EYA4: variants seen among roughly 807,000 people sequenced by gnomAD.
EYA4 encodes the protein protein phosphatase EYA4.
EYA4 carries 31 observed loss-of-function variants against 87.9 expected under a neutral mutation model. The observed-to-expected ratio is 0.35, with a 90% confidence interval of 0.27 to 0.48. EYA4 has a LOEUF of 0.48. EYA4 is among the 20% of genes least tolerant of loss of function. The pLI, the probability that EYA4 is intolerant of heterozygous loss-of-function variation, is 0.99. For synonymous variants in EYA4, 263 were observed against 270.6 expected, an observed-to-expected ratio of 0.97 and a Z score of 0.28; for missense variants, 678 against 761.4, an observed-to-expected ratio of 0.89 and a Z score of 1.29.
intron 1 of EYA4, among the ~76,000 whole-genome samples, chr6:133,246,552 A>G (rs563295583): frequency 6.6e-6 from 1 of 152,216 alleles, no homozygotes; most frequent in Admixed American, 6.5e-5. Flanking sequence ...CGTTAAACCA[A>G]TGTGGAATAG....
At chr6:133,358,779 C>G (rs72996001) in intron 2 of EYA4, among the ~76,000 whole-genome samples, 4,660 of 152,208 alleles carry the variant, frequency 0.031, 173 homozygotes, top group East Asian at 0.2. Context: ...GGAAGACACG[C>G]ACTCAAGAGG....
intron 11 of EYA4, among the ~76,000 whole-genome samples, chr6:133,475,668 T>C (rs1795658056): frequency 6.6e-6 from 1 of 152,084 alleles, no homozygotes; most frequent in African/African-American, 2.4e-5. Context: ...CCAATTTACA[T>C]TTTCCCTACC....
chr6:133,510,627 C>T, intron 14 of EYA4: 1 of 239,982 alleles, frequency 4.2e-6, no homozygotes, highest in Non-Finnish European at 8.3e-6. Flanking sequence ...ACAGTTTGGA[C>T]TGCACTCCTT....
At chr6:133,353,066 TCTTTA>T (rs1371303880) in intron 2 of EYA4, among the ~76,000 whole-genome samples, 2 of 152,150 alleles carry the variant, frequency 1.3e-5, no homozygotes, top group Non-Finnish European at 2.9e-5. Context: ...GGTAGTAATT[TCTTTA>T]CTTTGGAATA....
At chr6:133,431,995 G>A (rs1223655302) in intron 3 of EYA4, among the ~76,000 whole-genome samples, 1 of 149,942 alleles carries the variant, frequency 6.7e-6, no homozygotes, top group African/African-American at 2.5e-5. Flanking sequence ...GGCAGACCAT[G>A]GTGCATTATT....
chr6:133,503,737 A>G (rs971618241), intron 13 of EYA4, among the ~76,000 whole-genome samples: 1 of 152,168 alleles, frequency 6.6e-6, no homozygotes, highest in African/African-American at 2.4e-5. Flanking sequence ...GACTAATTAT[A>G]GGAATTTTTC....
At chr6:133,395,525 C>A (rs1787708775) in intron 3 of EYA4, among the ~76,000 whole-genome samples, 1 of 152,092 alleles carries the variant, frequency 6.6e-6, no homozygotes, top group Admixed American at 6.6e-5. Context: ...TTTGGGAGGC[C>A]AAGGCAGGCA....
rs745611778 is a variant in EYA4 at position 133,513,022 on chromosome 6, C to T, written c.1485C>T (p.Tyr495=). ...YRRVKELYNT[Y]KNNVGGLLGP... Reference sequence around the variant, plus strand: ...GAGTAAAAGAATTATATAACACCTACAAGAACAACGTTGGAGGTATGTGTG... The same window carrying T: ...GAGTAAAAGAATTATATAACACCTATAAGAACAACGTTGGAGGTATGTGTG... Residue 495 remains tyrosine, a synonymous_variant, in exon 16 of 20, where the codon TAC becomes TAT. Transcript: ENST00000355286. 2.5e-6 allele frequency: 4 copies of T among 1,613,984 alleles called. No individual in the cohort carries two copies. The highest frequency in any genetic ancestry group is 1.7e-5 in the Admixed American group (1 of 60,014).
At position 133,382,485 on chromosome 6, in the gene EYA4, GT is replaced by G. The variant is rs757631637; in HGVS notation, c.83+47del. Reference sequence around the variant, plus strand: ...CAAGACTCCCCTAAGGAGAATTGCAGTTTCGGAGCACTAGTAAGATGTTATA... The same window carrying G: ...CAAGACTCCCCTAAGGAGAATTGCAGTTCGGAGCACTAGTAAGATGTTATA... On this transcript the variant is annotated intron_variant, in intron 3 of 19. Coordinates refer to ENST00000355286, the MANE Select transcript of EYA4 (RefSeq NM_004100.5). The G allele has an allele frequency of 4.6e-6, 6 of 1,308,326 alleles. No homozygotes were observed. The African/African-American group carries it at 7.2e-5, about 16-fold the overall frequency. 81.0% of individuals were successfully genotyped at this position (1,308,326 alleles called of 1,614,324 possible). A position where few individuals can be genotyped will look rare whatever the true frequency, so the allele number is the denominator to read the frequency against.
chr6:133,304,699 A>G (rs936748084), intron 2 of EYA4, among the ~76,000 whole-genome samples: 2 of 152,182 alleles, frequency 1.3e-5, no homozygotes, highest in Admixed American at 1.3e-4. Flanking sequence ...CATTTTCTGA[A>G]TGTCAGACAC....
At chr6:133,359,693 T>A (rs1202466605) in intron 2 of EYA4, among the ~76,000 whole-genome samples, 1 of 152,174 alleles carries the variant, frequency 6.6e-6, no homozygotes, top group Non-Finnish European at 1.5e-5. Context: ...TTGAAAATAT[T>A]TGCCAAAAAA....
At chr6:133,381,535 A>G (rs536679792) in intron 2 of EYA4, among the ~76,000 whole-genome samples, 2 of 151,700 alleles carry the variant, frequency 1.3e-5, no homozygotes, top group South Asian at 4.2e-4. Context: ...TGGAAGTAAA[A>G]CTCCTTGGAT....
At chr6:133,257,519 A>G (rs1156781185) in intron 1 of EYA4, among the ~76,000 whole-genome samples, 1 of 152,200 alleles carries the variant, frequency 6.6e-6, no homozygotes, top group Non-Finnish European at 1.5e-5. Context: ...TCGACCAGTT[A>G]CCTTTATCCT....
chr6:133,382,726 A>G (rs1299456944), intron 3 of EYA4, among the ~76,000 whole-genome samples: 1 of 149,192 alleles, frequency 6.7e-6, no homozygotes, highest in African/African-American at 2.5e-5. Flanking sequence ...TTTTGTTCTA[A>G]TTTCTTTTTA....
intron 11 of EYA4, among the ~76,000 whole-genome samples, chr6:133,476,840 A>G (rs117596819): frequency 0.03 from 4,491 of 152,108 alleles, 259 homozygotes; most frequent in East Asian, 0.18. Context: ...AATGGCTGAT[A>G]TGGTTTGGTG....
chr6:133,361,677 C>A (rs1432501046), intron 2 of EYA4, among the ~76,000 whole-genome samples: 1 of 152,062 alleles, frequency 6.6e-6, no homozygotes, highest in African/African-American at 2.4e-5. Context: ...ACCTCCTGGG[C>A]CAATTGATGA....
At chr6:133,454,787 G>A (rs7753629) in intron 5 of EYA4, among the ~76,000 whole-genome samples, 55,958 of 151,934 alleles carry the variant, frequency 0.37, 11,736 homozygotes, top group East Asian at 0.63. Context: ...TTTATTTTCA[G>A]TGAAGTATTT....
chr6:133,431,364 G>GAGAT (rs1791168932), intron 3 of EYA4, among the ~76,000 whole-genome samples: 1 of 152,170 alleles, frequency 6.6e-6, no homozygotes, highest in South Asian at 2.1e-4. Context: ...GTGGCTTGGG[G>GAGAT]AGATAAAGTT....
chr6:133,501,123 G>A (rs554841324), intron 13 of EYA4, among the ~76,000 whole-genome samples: 1 of 152,028 alleles, frequency 6.6e-6, no homozygotes, highest in South Asian at 2.1e-4. Context: ...CCTCACCTTT[G>A]TCAGGCCTCT....
Sources: allele counts gnomAD v4.1 joint callset (sites outside exome capture counted in the v4.1 genomes callset), GRCh38; gene constraint gnomAD v4.1.1; transcripts MANE v1.5; gene names NCBI Gene and HGNC (gene_info 2026-07-23, HGNC 2026-07-21).